NFIB: variants seen among roughly 807,000 people sequenced by gnomAD.
The protein encoded by NFIB is nuclear factor I B.
A neutral mutation model predicts 61.5 loss-of-function variants in NFIB; 11 were observed. That is an observed-to-expected ratio of 0.18 (90% CI 0.11 to 0.30). NFIB has a LOEUF of 0.30. NFIB is among the 10% of genes least tolerant of loss of function. The pLI, the probability that NFIB is intolerant of heterozygous loss-of-function variation, is 1.00. For missense variants in NFIB, 471 were observed against 608.9 expected (o/e 0.77, Z 2.38); for synonymous variants, 260 against 216.5 (o/e 1.20, Z -1.76).
At chr9:14,446,773 A>G in the NFIB span, among the ~76,000 whole-genome samples, 1 of 152,110 alleles carries the variant, frequency 6.6e-6, no homozygotes, top group African/African-American at 2.4e-5. Context: ...ACATCACAAG[A>G]GTACAGGGAA....
At chr9:14,160,353 G>T (rs1173799012) in intron 3 of NFIB, among the ~76,000 whole-genome samples, 1 of 151,958 alleles carries the variant, frequency 6.6e-6, no homozygotes, top group Non-Finnish European at 1.5e-5. Flanking sequence ...CCATTTGAAT[G>T]TTAAACAACA....
At chr9:14,478,771 A>G in the NFIB span, among the ~76,000 whole-genome samples, 1 of 152,332 alleles carries the variant, frequency 6.6e-6, no homozygotes, top group Admixed American at 6.5e-5. Flanking sequence ...TAATGATGTA[A>G]TGAATATCCT....
chr9:14,152,500 T>C (rs1342924073), intron 4 of NFIB, among the ~76,000 whole-genome samples: 1 of 152,122 alleles, frequency 6.6e-6, no homozygotes, highest in Non-Finnish European at 1.5e-5. Flanking sequence ...TCTGTCTGGC[T>C]TCCTATCACA....
At chr9:14,208,593 C>A (rs1451471853) in intron 2 of NFIB, among the ~76,000 whole-genome samples, 2 of 149,646 alleles carry the variant, frequency 1.3e-5, no homozygotes, top group Non-Finnish European at 3.0e-5. Flanking sequence ...GGACTCTTCA[C>A]AAGTACTTTT....
intron 2 of NFIB, among the ~76,000 whole-genome samples, chr9:14,195,362 C>A (rs1412863100): frequency 6.6e-6 from 1 of 152,018 alleles, no homozygotes; most frequent in African/African-American, 2.4e-5. Context: ...ATCTTATTGA[C>A]AAAATATTGT....
At chr9:14,420,199 C>A in the NFIB span, among the ~76,000 whole-genome samples, 2 of 152,094 alleles carry the variant, frequency 1.3e-5, no homozygotes, top group Admixed American at 1.3e-4. Context: ...GCAATCCCAG[C>A]ACTTTGGGAG....
chr9:14,457,500 A>C, the NFIB span, among the ~76,000 whole-genome samples: 31 of 152,050 alleles, frequency 2.0e-4, no homozygotes, highest in Non-Finnish European at 4.0e-4. Flanking sequence ...GAAGGCAAGA[A>C]ATAACTAAGA....
chr9:14,306,038 TA>T, intron 2 of NFIB: 1 of 906,854 alleles, frequency 1.1e-6, no homozygotes, highest in Non-Finnish European at 1.6e-6. Context: ...GAAAATATAT[TA>T]AGAAAAATAA....
intron 2 of NFIB, among the ~76,000 whole-genome samples, chr9:14,239,640 T>C (rs913109128): frequency 2.0e-5 from 3 of 152,162 alleles, no homozygotes; most frequent in Admixed American, 6.5e-5. Flanking sequence ...AATCCAAATA[T>C]GAGCCAAATT....
chr9:14,521,159 C>A, the NFIB span, among the ~76,000 whole-genome samples: 2 of 152,186 alleles, frequency 1.3e-5, no homozygotes, highest in African/African-American at 4.8e-5. Context: ...AAGTTCTCCA[C>A]CCTTTCAAAT....
the NFIB span, among the ~76,000 whole-genome samples, chr9:14,468,518 T>C: frequency 1.3e-5 from 2 of 152,330 alleles, no homozygotes; most frequent in African/African-American, 4.8e-5. Flanking sequence ...TCCATTTGGC[T>C]TGGAGGCTTT....
rs572577569 is a variant in NFIB, at chr9:14,295,287, C to G, written c.562+11702G>C. Among the ~76,000 whole-genome samples the G allele has an allele frequency of 2.0e-4, 30 of 152,258 alleles. 1 individual carries two copies. In the South Asian group the frequency reaches 6.0e-3, roughly 31 times the overall value. On this transcript the variant is annotated intron_variant, in intron 2 of 10. Transcript: ENST00000380953. ...GGGTCATTTTTAAATATGATACTTT[C>G]GGACTTTAAAAAGAGTCTGAAAACC... is the stretch of plus-strand genomic sequence containing the variant.
chr9:14,336,934 T>C lies in NFIB; in HGVS notation c.109-29414A>G, dbSNP rs570066384. On this transcript the variant is annotated intron_variant, in intron 1 of 8. Transcript: ENST00000380934. Reference sequence around the variant, plus strand: ...TTATACACAAAGGGGCCACGGACAATATATAAACAATGAGCCTGGCTGTGT... The same window carrying C: ...TTATACACAAAGGGGCCACGGACAACATATAAACAATGAGCCTGGCTGTGT... Among the ~76,000 whole-genome samples the C allele has an allele frequency of 2.5e-3, 375 of 152,316 alleles. 2 individuals carry two copies. Among genetic ancestry groups the C allele is most frequent in the African/African-American group, 8.4e-3 (351 of 41,554 alleles).
At chr9:14,396,367 C>T (rs1487859593) in intron 1 of NFIB, among the ~76,000 whole-genome samples, 6 of 152,112 alleles carry the variant, frequency 3.9e-5, no homozygotes, top group East Asian at 3.9e-4. Flanking sequence ...TCCAAAATAA[C>T]GACTGTGGCG....
At chr9:14,239,639 A>G (rs1294423159) in intron 2 of NFIB, among the ~76,000 whole-genome samples, 1 of 152,206 alleles carries the variant, frequency 6.6e-6, no homozygotes, top group African/African-American at 2.4e-5. Flanking sequence ...AAATCCAAAT[A>G]TGAGCCAAAT....
intron 1 of NFIB, among the ~76,000 whole-genome samples, chr9:14,397,689 T>C (rs557176263): frequency 6.6e-6 from 1 of 152,176 alleles, no homozygotes; most frequent in Non-Finnish European, 1.5e-5. Context: ...ATAAGAGAAA[T>C]AAAAAGACAG....
chr9:14,286,714 A>T (rs2058730146), intron 2 of NFIB, among the ~76,000 whole-genome samples: 1 of 152,172 alleles, frequency 6.6e-6, no homozygotes, highest in Non-Finnish European at 1.5e-5. Context: ...TGTCTTCTCT[A>T]TATTGCAATT....
At chr9:14,401,663 T>C (rs904981960), upstream of NFIB, among the ~76,000 whole-genome samples, 3 of 152,320 alleles carry the variant, frequency 2.0e-5, no homozygotes, top group African/African-American at 7.2e-5. Context: ...TAGTGTTTAA[T>C]TAGAAACACT....
At chr9:14,274,943 T>A (rs2132366903) in intron 2 of NFIB, among the ~76,000 whole-genome samples, 1 of 152,284 alleles carries the variant, frequency 6.6e-6, no homozygotes, top group East Asian at 1.9e-4. Context: ...GGTCAATTTT[T>A]GGAAACATTG....
Sources: gnomAD v4.1 joint callset for allele counts (sites outside exome capture counted in the v4.1 genomes callset) on GRCh38, gnomAD v4.1.1 for gene constraint, MANE v1.5 for transcripts, NCBI Gene and HGNC (gene_info 2026-07-23, HGNC 2026-07-21) for gene names.